The following TRPM6 variants were observed in gnomAD, a reference collection of about 807,000 sequenced individuals.
The protein encoded by TRPM6 is channel kinase 2.
A neutral mutation model predicts 247.6 loss-of-function variants in TRPM6; 111 were observed. The observed-to-expected ratio is 0.45, with a 90% CI of 0.38 to 0.52. The LOEUF is 0.52. Ranked by LOEUF, TRPM6 falls within the 20% of genes least tolerant of loss-of-function variation. The pLI, the probability that TRPM6 is intolerant of heterozygous loss-of-function variation, is 0.00. For synonymous variants in TRPM6, 892 were observed against 853.8 expected (o/e 1.04, Z -0.78); for missense variants, 2,126 against 2,421.5 (o/e 0.88, Z 2.56).
intron 14 of TRPM6, chr9:74,804,516 G>GA: frequency 1.4e-6 from 1 of 716,296 alleles, no homozygotes; most frequent in Non-Finnish European, 2.6e-6. Flanking sequence ...TGAAGAGATT[G>GA]AAAAAGAAGA....
chr9:74,837,609 G>A (rs1372312004), intron 5 of TRPM6, among the ~76,000 whole-genome samples: 1 of 152,010 alleles, frequency 6.6e-6, no homozygotes, highest in Non-Finnish European at 1.5e-5. Flanking sequence ...GCCACACTCG[G>A]CTAATTTTTT....
At chr9:74,725,662 C>T (rs1364547561) in intron 38 of TRPM6, among the ~76,000 whole-genome samples, 2 of 152,210 alleles carry the variant, frequency 1.3e-5, no homozygotes, top group African/African-American at 2.4e-5. Context: ...CACAAGCTCT[C>T]TCTTTGCCTG....
At chr9:74,874,243 A>AC (rs1233879126) in intron 1 of TRPM6, among the ~76,000 whole-genome samples, 1 of 20,744 alleles carries the variant, frequency 4.8e-5, no homozygotes, top group African/African-American at 1.1e-4. Context: ...CTTAAAAACA[A>AC]AAAAAAAAAA....
At chr9:74,756,701 A>AAAAAAAT in intron 27 of TRPM6, among the ~76,000 whole-genome samples, 1 of 150,878 alleles carries the variant, frequency 6.6e-6, no homozygotes, top group African/African-American at 2.4e-5. Flanking sequence ...AAAAAAAAAA[A>AAAAAAAT]ATAGCCAGGT....
chr9:74,812,567 A>C, intron 11 of TRPM6, 134 bp from the exon 12 acceptor site: 1 of 188,538 alleles, frequency 5.3e-6, no homozygotes. Context: ...GTGGGTACAG[A>C]AAAAAAAAAA....
intron 17 of TRPM6, 46 bp from the exon 18 acceptor site, chr9:74,796,939 G>A (rs2118988593): frequency 6.6e-7 from 1 of 1,504,946 alleles, no homozygotes; most frequent in East Asian, 2.3e-5. Flanking sequence ...GACTACAAAA[G>A]CACATACTAG....
chr9:74,806,279 G>T (rs1223544290), intron 14 of TRPM6, among the ~76,000 whole-genome samples: 3 of 150,664 alleles, frequency 2.0e-5, no homozygotes, highest in African/African-American at 4.9e-5. Flanking sequence ...AAAATTTATT[G>T]TATTTATTTA....
intron 1 of TRPM6, among the ~76,000 whole-genome samples, chr9:74,867,831 A>C (rs745742461): frequency 1.3e-5 from 2 of 149,618 alleles, no homozygotes; most frequent in Non-Finnish European, 3.0e-5. Flanking sequence ...ACCTCTAAGA[A>C]TAATAGGTTT....
At chr9:74,749,842 A>G (rs1826178154) in intron 30 of TRPM6, among the ~76,000 whole-genome samples, 1 of 152,200 alleles carries the variant, frequency 6.6e-6, no homozygotes, top group South Asian at 2.1e-4. Flanking sequence ...CACAGGGTCC[A>G]TGATGGGAGC....
At chr9:74,822,047 A>T (rs1181168174) in intron 7 of TRPM6, among the ~76,000 whole-genome samples, 1 of 152,238 alleles carries the variant, frequency 6.6e-6, no homozygotes, top group East Asian at 1.9e-4. Context: ...TGGTGACAGC[A>T]TCTTCAAGCT....
intron 1 of TRPM6, among the ~76,000 whole-genome samples, chr9:74,866,456 G>T (rs10781250): frequency 0.34 from 50,976 of 151,908 alleles, 9,150 homozygotes; most frequent in East Asian, 0.5. Flanking sequence ...CAGTAGGTTT[G>T]ATTTTTTTGG....
chr9:74,792,874 T>G, intron 18 of TRPM6, 104 bp from the exon 19 acceptor site: 4 of 1,193,998 alleles, frequency 3.4e-6, no homozygotes, highest in Non-Finnish European at 4.8e-6. Flanking sequence ...AGAAATTAGT[T>G]GGCTGGGGGC....
chr9:74,881,925 A>C (rs1259657916), intron 1 of TRPM6, among the ~76,000 whole-genome samples: 1 of 152,232 alleles, frequency 6.6e-6, no homozygotes, highest in Non-Finnish European at 1.5e-5. Context: ...AATTTTGACA[A>C]AGGCATCAAG....
intron 1 of TRPM6, among the ~76,000 whole-genome samples, chr9:74,860,574 G>A (rs955172343): frequency 3.3e-5 from 5 of 152,090 alleles, no homozygotes; most frequent in Non-Finnish European, 7.4e-5. Context: ...GGTCAGACTG[G>A]TCTCAAACTC....
rs1173603692 is a variant in TRPM6, at chr9:74,782,212, A to G, written c.3209+150T>C. 17 of 613,538 alleles carry G rather than the reference A, an allele frequency of 2.8e-5. No individual in the cohort carries two copies. The Admixed American group carries it at 4.7e-4, about 17-fold the overall frequency. The allele number at this position is 613,538 out of a possible 1,614,324, so 38.0% of individuals were successfully genotyped here. On this transcript the variant is annotated intron_variant, in intron 23 of 38. Coordinates refer to ENST00000360774, the MANE Select transcript of TRPM6 (RefSeq NM_017662.5). ...TCCCATGCTCCATGTCCTTCTTATC[A>G]GTAGTTTTATGTGCATATTTCAAAA... is the stretch of plus-strand genomic sequence containing the variant.
At chr9:74,727,898 C>T (rs76637271) in intron 38 of TRPM6, among the ~76,000 whole-genome samples, 1 of 151,948 alleles carries the variant, frequency 6.6e-6, no homozygotes, top group South Asian at 2.1e-4. Context: ...CTGTGGCCAT[C>T]CGCAGCTGGC....
intron 31 of TRPM6, among the ~76,000 whole-genome samples, chr9:74,746,671 C>G (rs1826056441): frequency 6.6e-6 from 1 of 152,134 alleles, no homozygotes; most frequent in Admixed American, 6.5e-5. Context: ...AAAGATAATT[C>G]TGATAGAAAC....
At chr9:74,833,707 G>A (rs1324923623) in intron 6 of TRPM6, among the ~76,000 whole-genome samples, 1 of 152,222 alleles carries the variant, frequency 6.6e-6, no homozygotes, top group African/African-American at 2.4e-5. Flanking sequence ...AGGGCAGTGA[G>A]AAGAAGAAAT....
At chr9:74,838,254 C>G (rs1251926448) in intron 5 of TRPM6, among the ~76,000 whole-genome samples, 1 of 152,164 alleles carries the variant, frequency 6.6e-6, no homozygotes, top group East Asian at 1.9e-4. Flanking sequence ...CCAAGCCTGT[C>G]TTTTCAATGA....
Sources: allele counts gnomAD v4.1 joint callset (sites outside exome capture counted in the v4.1 genomes callset), GRCh38; gene constraint gnomAD v4.1.1; transcripts MANE v1.5; gene names NCBI Gene and HGNC (gene_info 2026-07-23, HGNC 2026-07-21).